MYLIP: variants seen among roughly 807,000 people sequenced by gnomAD.
MYLIP encodes the protein E3 ubiquitin-protein ligase MYLIP.
MYLIP carries 26 observed loss-of-function variants against 45.8 expected under a neutral mutation model. The observed-to-expected ratio is 0.57, with a 90% CI of 0.42 to 0.79. The LOEUF (loss-of-function observed/expected upper bound fraction) is 0.79, where lower values mean the gene tolerates loss of function less well. Among genes scored for constraint, MYLIP ranks in the 30% least tolerant of loss-of-function variants. MYLIP has a pLI of 0.00. For missense variants in MYLIP, 494 were observed against 555.6 expected (o/e 0.89, Z 1.11); for synonymous variants, 213 against 218.1 (o/e 0.98, Z 0.21).
At chr6:16,148,716 C>T (rs1759843660), downstream of MYLIP, among the ~76,000 whole-genome samples, 1 of 152,136 alleles carries the variant, frequency 6.6e-6, no homozygotes, top group South Asian at 2.1e-4. Flanking sequence ...AGGGGAGTGG[C>T]CTGGGTCATA....
At position 16,148,060 on chromosome 6, in the gene MYLIP, C is replaced by A. The variant is rs1317362455; in HGVS notation, c.*1309C>A. 6.6e-6 allele frequency: 1 copy of A among 152,576 alleles called. No individual in the cohort carries two copies. Among genetic ancestry groups the A allele is most frequent in the Non-Finnish European group, 1.5e-5 (1 of 68,014 alleles). 9.5% of individuals were successfully genotyped at this position (152,576 alleles called of 1,614,324 possible). A position where few individuals can be genotyped will look rare whatever the true frequency, so the allele number is the denominator to read the frequency against. On this transcript the variant is annotated 3_prime_UTR_variant, in exon 7 of 7. Transcript: ENST00000356840. ...CAGTAATGTGTTTATGCATTTGTTT[C>A]TTTGCACAGACATTTTGTCAAATAT...
the MYLIP span, among the ~76,000 whole-genome samples, chr6:16,160,435 A>G: frequency 6.6e-6 from 1 of 151,992 alleles, no homozygotes; most frequent in Non-Finnish European, 1.5e-5. Flanking sequence ...ATCTAAACCA[A>G]TCGGGAATTC....
At chr6:16,143,346 T>C in intron 4 of MYLIP, 129 bp downstream of exon 4, 1 of 928,924 alleles carries the variant, frequency 1.1e-6, no homozygotes, top group African/African-American at 1.7e-5. Flanking sequence ...TTTTGGTATG[T>C]ACATTAATTT....
chr6:16,131,689 A>G (rs1759463427), intron 2 of MYLIP, among the ~76,000 whole-genome samples: 1 of 152,226 alleles, frequency 6.6e-6, no homozygotes, highest in African/African-American at 2.4e-5. Flanking sequence ...GTGATTCTAA[A>G]AATTTTAAGT....
chr6:16,134,025 A>G (rs1404477808), intron 2 of MYLIP, among the ~76,000 whole-genome samples: 1 of 152,126 alleles, frequency 6.6e-6, no homozygotes, highest in Non-Finnish European at 1.5e-5. Context: ...CCCCATCCTC[A>G]GCCCTCAGAA....
At chr6:16,142,880 C>T in intron 3 of MYLIP, 140 bp from the exon 4 acceptor site, 2 of 854,178 alleles carry the variant, frequency 2.3e-6, no homozygotes, top group Non-Finnish European at 3.6e-6. Context: ...TCGCTAAATA[C>T]ATGAAACATC....
chr6:16,152,706 C>T (rs1378598637), downstream of MYLIP, among the ~76,000 whole-genome samples: 2 of 152,174 alleles, frequency 1.3e-5, no homozygotes, highest in Non-Finnish European at 2.9e-5. Context: ...AAGCAGGTAT[C>T]AGGTGCTGTG....
intron 3 of MYLIP, among the ~76,000 whole-genome samples, chr6:16,142,037 G>A (rs895210595): frequency 3.3e-5 from 5 of 152,216 alleles, no homozygotes; most frequent in Admixed American, 6.5e-5. Context: ...GGGTATCCAA[G>A]CAAGGGGACA....
chr6:16,152,335 A>G (rs1759888503), downstream of MYLIP, among the ~76,000 whole-genome samples: 1 of 152,186 alleles, frequency 6.6e-6, no homozygotes, highest in South Asian at 2.1e-4. Context: ...CATACCTAGA[A>G]TATATCAGGC....
chr6:16,156,859 T>G, the MYLIP span, among the ~76,000 whole-genome samples: 4 of 152,234 alleles, frequency 2.6e-5, no homozygotes, highest in Non-Finnish European at 4.4e-5. Flanking sequence ...GCCAGTATCA[T>G]TCCAGGTGTC....
chr6:16,137,997 A>G (rs1417301694), intron 2 of MYLIP, among the ~76,000 whole-genome samples: 2 of 152,222 alleles, frequency 1.3e-5, no homozygotes, highest in Non-Finnish European at 2.9e-5. Context: ...TGATCCATAT[A>G]TTGAAAATAT....
At position 16,131,754 on chromosome 6, in the gene MYLIP, GT is replaced by G. The variant is rs377679593; in HGVS notation, c.278+1011del. ...TTTTTTACATGACATTTGCTTGTTTGTTTTACCAAAGGACTGATAAAGACTC... is the reference window on the plus strand; with the variant it reads ...TTTTTTACATGACATTTGCTTGTTTGTTTACCAAAGGACTGATAAAGACTC... On this transcript the variant is annotated intron_variant, in intron 2 of 6. Transcript: ENST00000356840. Among the ~76,000 whole-genome samples, 963 of 152,208 alleles carry G rather than the reference GT, an allele frequency of 6.3e-3. 13 individuals are homozygous for G. Among genetic ancestry groups the G allele is most frequent in the African/African-American group, 0.022 (914 of 41,526 alleles).
chr6:16,135,776 T>C (rs1759543034), intron 2 of MYLIP, among the ~76,000 whole-genome samples: 1 of 146,604 alleles, frequency 6.8e-6, no homozygotes, highest in African/African-American at 2.5e-5. Flanking sequence ...TATATATATA[T>C]ATGTATGCTA....
Position 16,141,673 on chromosome 6 carries a change from C to G in MYLIP, c.327C>G (p.Leu109=). The change falls in exon 3 of 7, where the codon CTC becomes CTG. Residue 109 remains leucine (L), a synonymous_variant. Coordinates refer to ENST00000356840, the MANE Select transcript of MYLIP (RefSeq NM_013262.4). ...HIKEALLAGH[L]LCSPEQAVEL... is the part of the protein sequence containing the mutation. ...AGGAGGCCCTCTTGGCAGGCCACCT[C>G]TTGTGTTCCCCAGAGCAGGCAGTGG... The G allele has an allele frequency of 6.2e-7, 1 of 1,614,076 alleles. No homozygotes were observed. Among genetic ancestry groups the G allele is most frequent in the Non-Finnish European group, 8.5e-7 (1 of 1,179,952 alleles).
At chr6:16,152,646 G>A (rs1248687342), downstream of MYLIP, among the ~76,000 whole-genome samples, 2 of 152,192 alleles carry the variant, frequency 1.3e-5, no homozygotes, top group African/African-American at 4.8e-5. Context: ...GATTCCAAGG[G>A]CAGTGGAAGC....
Position 16,129,507 on chromosome 6 carries a change from C to G in MYLIP, c.87+98C>G. The G allele has an allele frequency of 8.2e-7, 1 of 1,221,430 alleles. No homozygotes were observed. Among genetic ancestry groups the G allele is most frequent in the South Asian group, 1.4e-5 (1 of 72,674 alleles). 75.7% of individuals were successfully genotyped at this position (1,221,430 alleles called of 1,614,324 possible). The stretch of plus-strand genomic sequence containing the variant: ...CTCTGGCGCGCCCCCTACTAGGGGC[C>G]GGGAGGCACTGCGGCGGCAGCCGGG... On this transcript the variant is annotated intron_variant, in intron 1 of 6. Coordinates refer to ENST00000356840, the MANE Select transcript of MYLIP (RefSeq NM_013262.4). This position sits in a 1 kb window ranked among gnomAD's most constrained non-coding sequence, Gnocchi z 5.1.
At chr6:16,132,888 C>G (rs1244139191) in intron 2 of MYLIP, among the ~76,000 whole-genome samples, 2 of 152,110 alleles carry the variant, frequency 1.3e-5, no homozygotes, top group African/African-American at 4.8e-5. Flanking sequence ...CTTTGACAAT[C>G]CAGTTATGAA....
the MYLIP span, chr6:16,160,860 G>T: frequency 1.3e-5 from 2 of 152,432 alleles, no homozygotes; most frequent in Admixed American, 1.3e-4. Flanking sequence ...CTTCTGCTCA[G>T]GTTCTCTTTA....
intron 4 of MYLIP, 73 bp downstream of exon 4, chr6:16,143,290 G>C: frequency 6.9e-7 from 1 of 1,448,154 alleles, no homozygotes; most frequent in Non-Finnish European, 9.7e-7. Context: ...ATAGAAAATA[G>C]GAAGGGATTT....
Sources: allele counts gnomAD v4.1 joint callset (sites outside exome capture counted in the v4.1 genomes callset), GRCh38; gene constraint gnomAD v4.1.1; non-coding constraint Gnocchi (gnomAD v3.1); transcripts MANE v1.5; gene names NCBI Gene and HGNC (gene_info 2026-07-23, HGNC 2026-07-21).